The following PHLDB2 variants were observed in gnomAD, a reference collection of about 807,000 sequenced individuals.
PHLDB2 encodes the protein pleckstrin homology like domain family B member 2.
A neutral mutation model predicts 123.6 loss-of-function variants in PHLDB2; 71 were observed. The ratio of observed to expected loss-of-function variants is 0.57; its 90% confidence interval spans 0.47 to 0.70. The LOEUF (loss-of-function observed/expected upper bound fraction) is 0.70, where lower values mean the gene tolerates loss of function less well. PHLDB2 is among the 30% of genes least tolerant of loss of function. The probability of loss-of-function intolerance (pLI) is 0.00; values close to 1 mark genes in which losing one functional copy is unlikely to be tolerated. For synonymous variants in PHLDB2, 547 were observed against 541.6 expected (o/e 1.01, Z -0.14); for missense variants, 1,446 against 1,519.5 (o/e 0.95, Z 0.80).
intron 12 of PHLDB2, chr3:111,958,303 A>G (rs1383294012): frequency 1.0e-6 from 1 of 991,966 alleles, no homozygotes; most frequent in African/African-American, 1.7e-5. Context: ...CAGGTGAGCT[A>G]TGACAGGCTG....
At chr3:111,910,032 C>T (rs1463121796) in intron 2 of PHLDB2, among the ~76,000 whole-genome samples, 3 of 152,128 alleles carry the variant, frequency 2.0e-5, no homozygotes, top group African/African-American at 7.2e-5. Flanking sequence ...TGGATGTACC[C>T]TCTCCTGAGG....
At chr3:111,867,792 C>T (rs1326996436) in intron 1 of PHLDB2, among the ~76,000 whole-genome samples, 1 of 151,936 alleles carries the variant, frequency 6.6e-6, no homozygotes, top group Non-Finnish European at 1.5e-5. Flanking sequence ...GCCTTGGTTT[C>T]CTGGGTTCAA....
chr3:111,765,884 T>C (rs2060071031), intron 1 of PHLDB2, among the ~76,000 whole-genome samples: 1 of 122,988 alleles, frequency 8.1e-6, no homozygotes, highest in Non-Finnish European at 1.7e-5. Context: ...ATTTCTTCTT[T>C]TATATGCACA....
At position 111,757,149 on chromosome 3, in the gene PHLDB2, G is replaced by T. The variant is rs140884192; in HGVS notation, c.-49+24446G>T. Among the ~76,000 whole-genome samples, 297 of 152,278 alleles carry T rather than the reference G, an allele frequency of 2.0e-3. 2 individuals are homozygous for T. Among genetic ancestry groups the T allele is most frequent in the Middle Eastern group, 6.8e-3 (2 of 294 alleles). ...GTCTTGGAGTTGCTCTTCTCGAGGA[G>T]TATCTTTGTGGAGTTCTCTGTATTT... On this transcript the variant is annotated intron_variant, in intron 1 of 17. Transcript: ENST00000393923.
At chr3:111,945,058 G>A (rs1262543504) in intron 8 of PHLDB2, among the ~76,000 whole-genome samples, 1 of 152,198 alleles carries the variant, frequency 6.6e-6, no homozygotes, top group African/African-American at 2.4e-5. Flanking sequence ...ATATTGCTAA[G>A]TATGTTTGGA....
At chr3:111,774,986 C>T (rs930742445) in intron 1 of PHLDB2, among the ~76,000 whole-genome samples, 3 of 151,854 alleles carry the variant, frequency 2.0e-5, no homozygotes, top group Non-Finnish European at 2.9e-5. Context: ...ACAAGGGAAC[C>T]GAATTAAGAT....
intron 9 of PHLDB2, 111 bp from the exon 10 acceptor site, chr3:111,948,821 A>T (rs1293958021): frequency 1.1e-5 from 10 of 928,626 alleles, no homozygotes; most frequent in African/African-American, 1.6e-5. Context: ...AATACCACAG[A>T]TATCTGGCTG....
intron 1 of PHLDB2, among the ~76,000 whole-genome samples, chr3:111,783,602 C>T (rs1303735979): frequency 6.6e-6 from 1 of 152,016 alleles, no homozygotes; most frequent in Admixed American, 6.6e-5. Context: ...GGAGCAAGCA[C>T]CCAGGGAGAG....
chr3:111,871,189 G>A (rs2065320850), intron 1 of PHLDB2, among the ~76,000 whole-genome samples: 2 of 152,174 alleles, frequency 1.3e-5, no homozygotes, highest in African/African-American at 4.8e-5. Flanking sequence ...ATATGACAGT[G>A]TGAAATGACA....
chr3:111,775,132 A>G (rs967000405), intron 1 of PHLDB2, among the ~76,000 whole-genome samples: 3 of 152,332 alleles, frequency 2.0e-5, no homozygotes, highest in South Asian at 4.1e-4. Flanking sequence ...TTGTGGCTCT[A>G]CAGATATCTC....
chr3:111,798,919 T>C (rs2061273204), intron 1 of PHLDB2, among the ~76,000 whole-genome samples: 1 of 151,982 alleles, frequency 6.6e-6, no homozygotes, highest in Non-Finnish European at 1.5e-5. Flanking sequence ...CAAGACTGGG[T>C]GATTTATGAA....
chr3:111,774,251 G>A (rs1402397064), intron 1 of PHLDB2, among the ~76,000 whole-genome samples: 1 of 152,186 alleles, frequency 6.6e-6, no homozygotes, highest in Non-Finnish European at 1.5e-5. Context: ...AGGTATCTGG[G>A]TGATGGATGT....
At chr3:111,951,750 G>GT (rs1186288169) in intron 10 of PHLDB2, among the ~76,000 whole-genome samples, 1 of 151,972 alleles carries the variant, frequency 6.6e-6, no homozygotes, top group Non-Finnish European at 1.5e-5. Context: ...TCATTTTTGT[G>GT]TTTTTTCTTT....
intron 1 of PHLDB2, among the ~76,000 whole-genome samples, chr3:111,869,396 C>G (rs1187452744): frequency 6.6e-6 from 1 of 151,830 alleles, no homozygotes; most frequent in Non-Finnish European, 1.5e-5. Flanking sequence ...TGTTCTTTCC[C>G]TAATGGTCTT....
chr3:111,838,498 G>A (rs1282665377), intron 1 of PHLDB2, among the ~76,000 whole-genome samples: 2 of 152,146 alleles, frequency 1.3e-5, no homozygotes, highest in Non-Finnish European at 2.9e-5. Flanking sequence ...CAGCATGGAA[G>A]TTACTTATAT....
chr3:111,782,712 G>A (rs900453097), intron 1 of PHLDB2, among the ~76,000 whole-genome samples: 2 of 151,994 alleles, frequency 1.3e-5, no homozygotes, highest in African/African-American at 2.4e-5. Context: ...CACAGCTTAG[G>A]AATTGTCTGT....
At chr3:111,743,867 C>A (rs1403439574) in intron 1 of PHLDB2, among the ~76,000 whole-genome samples, 1 of 152,160 alleles carries the variant, frequency 6.6e-6, no homozygotes, top group Non-Finnish European at 1.5e-5. Context: ...AAACTCAGAT[C>A]ATAAATCACA....
intron 1 of PHLDB2, among the ~76,000 whole-genome samples, chr3:111,763,159 G>A (rs2060023114): frequency 6.6e-6 from 1 of 152,168 alleles, no homozygotes; most frequent in Admixed American, 6.5e-5. Flanking sequence ...GCAAATCAAG[G>A]ATTTTAGGTA....
intron 1 of PHLDB2, among the ~76,000 whole-genome samples, chr3:111,872,596 T>C (rs1231458421): frequency 6.6e-6 from 1 of 152,210 alleles, no homozygotes; most frequent in Non-Finnish European, 1.5e-5. Context: ...TTCTTCATCC[T>C]CCTGCCTCTT....
Sources: allele counts gnomAD v4.1 joint callset (sites outside exome capture counted in the v4.1 genomes callset), GRCh38; gene constraint gnomAD v4.1.1; transcripts MANE v1.5; gene names NCBI Gene and HGNC (gene_info 2026-07-23, HGNC 2026-07-21).